FAM20B: variants seen among roughly 807,000 people sequenced by gnomAD.
The protein encoded by FAM20B is glycosaminoglycan xylosylkinase.
Under a neutral mutation model 43.8 loss-of-function variants are expected in FAM20B, and 23 were observed. The ratio of observed to expected loss-of-function variants is 0.53; its 90% confidence interval spans 0.38 to 0.74. The LOEUF (loss-of-function observed/expected upper bound fraction) is 0.74. Ranked by LOEUF, FAM20B falls within the 30% of genes least tolerant of loss-of-function variation. FAM20B has a pLI of 0.00. For synonymous variants in FAM20B, 178 were observed against 192.4 expected, an observed-to-expected ratio of 0.93 and a Z score of 0.62; for missense variants, 440 against 510.5, an observed-to-expected ratio of 0.86 and a Z score of 1.33.
intron 3 of FAM20B, 50 bp downstream of exon 3, chr1:179,050,415 C>T (rs748878990): frequency 1.4e-6 from 2 of 1,462,132 alleles, no homozygotes. Context: ...TTTCAAAAAT[C>T]TTTCTTGGAG....
chr1:179,050,320 GTTA>G lies in FAM20B; in HGVS notation c.421_423del (p.Tyr141del). On this transcript the variant is annotated inframe_deletion, in exon 3 of 8. Transcript: ENST00000263733. Reference sequence around the variant, plus strand: ...GTGGTGGAAGGGGAACCGTATGCTGGTTATGATAGACACAATGCAGAGGTAGCA... The same window carrying G: ...GTGGTGGAAGGGGAACCGTATGCTGGTGATAGACACAATGCAGAGGTAGCA... The G allele has an allele frequency of 1.2e-6, 2 of 1,614,006 alleles. No individual in the cohort carries two copies. The highest frequency in any genetic ancestry group is 1.7e-6 in the Non-Finnish European group (2 of 1,179,880).
At chr1:179,037,674 A>G (rs1009687841) in intron 1 of FAM20B, among the ~76,000 whole-genome samples, 36 of 151,548 alleles carry the variant, frequency 2.4e-4, no homozygotes, top group African/African-American at 8.7e-4. Flanking sequence ...TTTCATAGAG[A>G]TGGGGTTTCG....
chr1:179,019,090 T>C, the FAM20B span, among the ~76,000 whole-genome samples: 1 of 152,174 alleles, frequency 6.6e-6, no homozygotes, highest in Non-Finnish European at 1.5e-5. Context: ...CCACGCACAG[T>C]GGGGAGGGCC....
intron 6 of FAM20B, among the ~76,000 whole-genome samples, chr1:179,064,933 C>T (rs1460117250): frequency 1.3e-5 from 2 of 152,158 alleles, no homozygotes; most frequent in Non-Finnish European, 2.9e-5. Context: ...TTGTGTTTGT[C>T]TAGGTCCATA....
At chr1:179,059,356 G>T (rs912181030) in intron 4 of FAM20B, among the ~76,000 whole-genome samples, 2 of 152,186 alleles carry the variant, frequency 1.3e-5, no homozygotes, top group Admixed American at 6.5e-5. Flanking sequence ...CATTGCCATG[G>T]ATTGCCTCAT....
At chr1:179,052,922 A>G (rs1042657083) in intron 3 of FAM20B, among the ~76,000 whole-genome samples, 6 of 152,200 alleles carry the variant, frequency 3.9e-5, no homozygotes, top group Non-Finnish European at 7.3e-5. Flanking sequence ...GTATTGCCCA[A>G]CACACTAAGT....
rs1286528244 is a variant in FAM20B at position 179,047,087 on chromosome 1, A to G, written c.377+2863A>G. 2.0e-5 allele frequency among the ~76,000 whole-genome samples: 3 copies of G among 152,316 alleles called. No individual in the cohort carries two copies. In the East Asian group the frequency reaches 5.8e-4, roughly 29 times the overall value. Reference sequence around the variant, plus strand: ...GCAGGAAGTGTGTTAGAAGACAGATATTCCCAAGAGCGTGCAGTGTTAGAC... The same window carrying G: ...GCAGGAAGTGTGTTAGAAGACAGATGTTCCCAAGAGCGTGCAGTGTTAGAC... On this transcript the variant is annotated intron_variant, in intron 2 of 7. Coordinates refer to ENST00000263733, the MANE Select transcript of FAM20B (RefSeq NM_014864.4).
Position 179,074,038 on chromosome 1 carries a change from G to A in FAM20B, c.*1894G>A, listed in dbSNP as rs1652039995. On this transcript the variant is annotated 3_prime_UTR_variant, in exon 8 of 8. Transcript: ENST00000263733. ...GCCAGCCATTGGAAACTAGTTTTAG[G>A]CAACCACTCTCAAAAACAGCTTTAG... The A allele has an allele frequency of 6.6e-6, 1 of 152,504 alleles. No individual in the cohort carries two copies. Among genetic ancestry groups the A allele is most frequent in the Non-Finnish European group, 1.5e-5 (1 of 68,020 alleles). The allele number at this position is 152,504 out of a possible 1,614,324, so 9.4% of individuals were successfully genotyped here. A position where few individuals can be genotyped will look rare whatever the true frequency, so the allele number is the denominator to read the frequency against.
intron 4 of FAM20B, among the ~76,000 whole-genome samples, chr1:179,062,377 C>T (rs938691489): frequency 5.3e-5 from 8 of 152,036 alleles, no homozygotes; most frequent in East Asian, 1.9e-4. Flanking sequence ...TCAGGCCTGG[C>T]GCAGTGGCTC....
intron 1 of FAM20B, among the ~76,000 whole-genome samples, chr1:179,029,212 T>C (rs571900027): frequency 2.0e-5 from 3 of 152,356 alleles, no homozygotes; most frequent in East Asian, 1.9e-4. Flanking sequence ...AGGGGAGTTA[T>C]CCCTTTTTAA....
intron 1 of FAM20B, among the ~76,000 whole-genome samples, chr1:179,041,501 C>T (rs975076003): frequency 1.3e-5 from 2 of 152,182 alleles, no homozygotes; most frequent in African/African-American, 2.4e-5. Context: ...CAAAAAAATA[C>T]GAAAACCAGT....
intron 4 of FAM20B, among the ~76,000 whole-genome samples, chr1:179,061,650 C>T (rs917644212): frequency 6.6e-6 from 1 of 152,140 alleles, no homozygotes; most frequent in Non-Finnish European, 1.5e-5. Context: ...CTCAAGTGAT[C>T]CTTCTCCCTT....
At chr1:179,027,974 A>G (rs1246457640) in intron 1 of FAM20B, among the ~76,000 whole-genome samples, 2 of 152,064 alleles carry the variant, frequency 1.3e-5, no homozygotes, top group African/African-American at 2.4e-5. Flanking sequence ...CTTGATTTCC[A>G]TTTGTAGATT....
upstream of FAM20B, among the ~76,000 whole-genome samples, chr1:179,024,884 C>T (rs185925820): frequency 2.7e-3 from 409 of 152,338 alleles, 11 homozygotes; most frequent in Admixed American, 0.026. Flanking sequence ...AACTGATGCT[C>T]AGCAAAGTTA....
upstream of FAM20B, among the ~76,000 whole-genome samples, chr1:179,023,043 A>C (rs1487532002): frequency 1.3e-5 from 2 of 152,230 alleles, no homozygotes; most frequent in East Asian, 3.8e-4. Flanking sequence ...TTGGAGGATA[A>C]GGAATTAGCA....
At position 179,061,076 on chromosome 1, in the gene FAM20B, A is replaced by ATTT. The variant is rs67897742; in HGVS notation, c.575-2833_575-2831dup. On this transcript the variant is annotated intron_variant, in intron 4 of 7. Transcript: ENST00000263733. ...ATGAGATGTAAATACTCTTTGTCGA[A>ATTT]TTTTTTTTTTTTTTTTTTTTGAGAT... is the stretch of plus-strand genomic sequence containing the variant. Among the ~76,000 whole-genome samples, 165 of 126,252 alleles carry ATTT rather than the reference A, an allele frequency of 1.3e-3. 2 individuals carry two copies. Among genetic ancestry groups the ATTT allele is most frequent in the African/African-American group, 4.3e-3 (142 of 32,850 alleles). 82.8% of individuals were successfully genotyped at this position (126,252 alleles called of 152,430 possible). A position where few individuals can be genotyped will look rare whatever the true frequency, so the allele number is the denominator to read the frequency against.
intron 4 of FAM20B, among the ~76,000 whole-genome samples, chr1:179,059,060 A>C (rs890684039): frequency 2.0e-5 from 3 of 152,200 alleles, no homozygotes; most frequent in Non-Finnish European, 4.4e-5. Flanking sequence ...GTAAGTGTAG[A>C]CTAATCATTT....
chr1:179,023,452 C>T (rs1394534753), upstream of FAM20B, among the ~76,000 whole-genome samples: 1 of 152,172 alleles, frequency 6.6e-6, no homozygotes, highest in East Asian at 1.9e-4. Flanking sequence ...GTAAAAGGAG[C>T]ATCACAAGAG....
upstream of FAM20B, among the ~76,000 whole-genome samples, chr1:179,023,459 A>G (rs538617808): frequency 1.3e-5 from 2 of 152,374 alleles, no homozygotes; most frequent in African/African-American, 4.8e-5. Context: ...GAGCATCACA[A>G]GAGTCTTGAC....
Sources: allele counts gnomAD v4.1 joint callset (sites outside exome capture counted in the v4.1 genomes callset), GRCh38; gene constraint gnomAD v4.1.1; transcripts MANE v1.5; gene names NCBI Gene and HGNC (gene_info 2026-07-23, HGNC 2026-07-21).